The following BCL2 variants were observed in gnomAD, a reference collection of about 807,000 sequenced individuals.
BCL2 encodes the protein BCL2 apoptosis regulator.
BCL2 carries 1 observed loss-of-function variant against 14.2 expected under a neutral mutation model. That is an observed-to-expected ratio of 0.07 (90% confidence interval 0.02 to 0.33). BCL2 has a LOEUF of 0.33. Ranked by LOEUF, BCL2 falls within the 10% of genes least tolerant of loss-of-function variation. The probability of loss-of-function intolerance (pLI) is 0.99; values close to 1 mark genes in which losing one functional copy is unlikely to be tolerated. For missense variants in BCL2, 247 were observed against 305.9 expected (o/e 0.81, Z 1.44); for synonymous variants, 151 against 137.2 (o/e 1.10, Z -0.70).
chr18:63,318,004 A>T lies in BCL2; in HGVS notation c.585+78T>A. 1 of 1,547,010 alleles carries T rather than the reference A, an allele frequency of 6.5e-7. No individual in the cohort carries two copies. The highest frequency in any genetic ancestry group is 8.8e-7 in the Non-Finnish European group (1 of 1,142,422). ...CGGCTCCACAGCCTCCCATTGCCCC[A>T]GGAGCCCACCCGCACTCCAACCCCC... is the stretch of plus-strand genomic sequence containing the variant. On this transcript the variant is annotated intron_variant, in intron 2 of 2. Transcript: ENST00000333681. The surrounding 1 kb of genome is among the most constrained non-coding windows in gnomAD (Gnocchi z 7.4).
intron 2 of BCL2, among the ~76,000 whole-genome samples, chr18:63,299,589 C>A (rs1205259920): frequency 3.3e-5 from 5 of 152,198 alleles, no homozygotes; most frequent in African/African-American, 9.6e-5. Flanking sequence ...CAGGAAAGGT[C>A]TAATCAAACT....
intron 2 of BCL2, among the ~76,000 whole-genome samples, chr18:63,277,952 C>T (rs562819595): frequency 6.6e-6 from 1 of 152,310 alleles, no homozygotes; most frequent in South Asian, 2.1e-4. Context: ...TCTATGGAGG[C>T]CAATATTTGA....
chr18:63,309,987 C>T (rs943105007), intron 2 of BCL2, among the ~76,000 whole-genome samples: 3 of 152,150 alleles, frequency 2.0e-5, no homozygotes, highest in African/African-American at 4.8e-5. Context: ...CTCAGCCTCC[C>T]GAGTAGCTGG....
intron 2 of BCL2, among the ~76,000 whole-genome samples, chr18:63,229,104 C>G (rs1910622087): frequency 6.6e-6 from 1 of 152,144 alleles, no homozygotes; most frequent in East Asian, 1.9e-4. Context: ...GACGCAGTGT[C>G]AAATATTTAC....
In BCL2 at chr18:63,256,414, A is replaced by C. The variant is rs550254882; in HGVS notation, c.585+61668T>G. On this transcript the variant is annotated intron_variant, in intron 2 of 2. Coordinates refer to ENST00000333681, the MANE Select transcript of BCL2 (RefSeq NM_000633.3). ...GTGTTTTTAGTACAGACGGGGTTTC[A>C]CCATGTTGGCCAGGCTGGTCTTGAA... 2.6e-5 allele frequency among the ~76,000 whole-genome samples: 4 copies of C among 152,182 alleles called. No homozygotes were observed. The South Asian group carries it at 8.3e-4, about 32-fold the overall frequency.
Position 63,185,517 on chromosome 18 carries a change from A to G in BCL2, c.586-56758T>C, listed in dbSNP as rs78091744. On this transcript the variant is annotated intron_variant, in intron 2 of 2. Transcript: ENST00000333681. ...CAGGGCTAGCTGCTTTCCATATGGT[A>G]TCTCATTTGATTCTCACAGTCACAC... Among the ~76,000 whole-genome samples, 966 of 152,302 alleles carry G rather than the reference A, an allele frequency of 6.3e-3. 7 individuals are homozygous for G. The highest frequency in any genetic ancestry group is 0.021 in the African/African-American group (858 of 41,562).
rs149666601 is a variant in BCL2 at position 63,136,321 on chromosome 18, C to T, written c.586-7562G>A. On this transcript the variant is annotated intron_variant, in intron 2 of 2. Coordinates refer to ENST00000333681, the MANE Select transcript of BCL2 (RefSeq NM_000633.3). The stretch of plus-strand genomic sequence containing the variant: ...TCCCCTAGGGAGTTCGATCAACCTG[C>T]CCCAAACTCAAGCTATCATCACTCC... Among the ~76,000 whole-genome samples, 359 of 152,310 alleles carry T rather than the reference C, an allele frequency of 2.4e-3. 2 individuals carry two copies. The highest frequency in any genetic ancestry group is 8.0e-3 in the African/African-American group (332 of 41,558).
intron 2 of BCL2, among the ~76,000 whole-genome samples, chr18:63,293,241 G>A (rs1358796442): frequency 6.6e-6 from 1 of 152,228 alleles, no homozygotes; most frequent in Non-Finnish European, 1.5e-5. Context: ...GCACTGCCCA[G>A]GATGAAATTC....
intron 2 of BCL2, among the ~76,000 whole-genome samples, chr18:63,267,590 G>A (rs1599280137): frequency 6.6e-6 from 1 of 152,210 alleles, no homozygotes; most frequent in Non-Finnish European, 1.5e-5. Context: ...GATGGGTTAA[G>A]TCCCAAATTT....
Position 63,166,545 on chromosome 18 carries a change from T to C in BCL2, c.586-37786A>G, listed in dbSNP as rs549698206. Among the ~76,000 whole-genome samples the C allele has an allele frequency of 3.9e-5, 6 of 152,350 alleles. No homozygotes were observed. The South Asian group carries it at 1.2e-3, about 32-fold the overall frequency. ...GATCAGATCATGGAAAACGTATACA[T>C]ATTAACAGGGAACCCTGGTGAAATA... is the stretch of plus-strand genomic sequence containing the variant. On this transcript the variant is annotated intron_variant, in intron 2 of 2. Transcript: ENST00000333681.
intron 2 of BCL2, among the ~76,000 whole-genome samples, chr18:63,273,744 C>T (rs908681498): frequency 3.3e-5 from 5 of 152,136 alleles, no homozygotes; most frequent in African/African-American, 1.2e-4. Context: ...ACCCACCCCT[C>T]ACAAAGCCTC....
At chr18:63,283,009 T>G (rs1449893480) in intron 2 of BCL2, among the ~76,000 whole-genome samples, 1 of 152,258 alleles carries the variant, frequency 6.6e-6, no homozygotes, top group African/African-American at 2.4e-5. Flanking sequence ...CCAGCTTTAA[T>G]GGGCTTCTTT....
chr18:63,230,114 T>A (rs529614547), intron 2 of BCL2, among the ~76,000 whole-genome samples: 2 of 152,022 alleles, frequency 1.3e-5, no homozygotes, highest in African/African-American at 4.8e-5. Context: ...ATTGAACAGG[T>A]TCCAGGCCAC....
chr18:63,188,319 G>A (rs551628397), intron 2 of BCL2, among the ~76,000 whole-genome samples: 1 of 152,308 alleles, frequency 6.6e-6, no homozygotes, highest in African/African-American at 2.4e-5. Context: ...CATGGCTTTA[G>A]CAAGTTCCTT....
chr18:63,155,959 G>A (rs1162878588), intron 2 of BCL2, among the ~76,000 whole-genome samples: 1 of 152,102 alleles, frequency 6.6e-6, no homozygotes, highest in Non-Finnish European at 1.5e-5. Context: ...GTGTGACCAA[G>A]GTGAGGGGCA....
intron 2 of BCL2, among the ~76,000 whole-genome samples, chr18:63,260,847 G>GA (rs1421564725): frequency 2.0e-5 from 3 of 151,678 alleles, no homozygotes; most frequent in Admixed American, 6.6e-5. Flanking sequence ...GCTGGATCAG[G>GA]AAAAAAAATA....
At chr18:63,150,398 G>A (rs1914625395) in intron 2 of BCL2, among the ~76,000 whole-genome samples, 1 of 152,242 alleles carries the variant, frequency 6.6e-6, no homozygotes, top group African/African-American at 2.4e-5. Context: ...CAGGAGGGCT[G>A]AAAGAAAAGC....
intron 2 of BCL2, among the ~76,000 whole-genome samples, chr18:63,290,912 G>A (rs1444050853): frequency 1.3e-5 from 2 of 151,992 alleles, no homozygotes; most frequent in Non-Finnish European, 2.9e-5. Flanking sequence ...TCTTTCCCAG[G>A]TCATTATCAA....
In BCL2 at chr18:63,123,514, A is replaced by G. The variant is rs1004731322; in HGVS notation, c.*5111T>C. On this transcript the variant is annotated 3_prime_UTR_variant, in exon 3 of 3. Coordinates refer to ENST00000333681, the MANE Select transcript of BCL2 (RefSeq NM_000633.3). The stretch of plus-strand genomic sequence containing the variant: ...TAACCATGTAAAGTATCCTTACCGT[A>G]TTTTTTATGTGTACAGTGTTGCAGA... 4 of 207,034 alleles carry G rather than the reference A, an allele frequency of 1.9e-5. No individual in the cohort carries two copies. Among genetic ancestry groups the G allele is most frequent in the African/African-American group, 9.1e-5 (4 of 43,802 alleles). 12.8% of individuals were successfully genotyped at this position (207,034 alleles called of 1,614,324 possible).
Sources: gnomAD v4.1 joint callset for allele counts (sites outside exome capture counted in the v4.1 genomes callset) on GRCh38, gnomAD v4.1.1 for gene constraint, Gnocchi (gnomAD v3.1) non-coding constraint, MANE v1.5 for transcripts, NCBI Gene and HGNC (gene_info 2026-07-23, HGNC 2026-07-21) for gene names.